The following ENPP2 variants were observed in gnomAD, a reference collection of about 807,000 sequenced individuals.
The protein encoded by ENPP2 is ectonucleotide pyrophosphatase/phosphodiesterase 2.
A neutral mutation model predicts 120.2 loss-of-function variants in ENPP2; 51 were observed. The observed-to-expected ratio is 0.42, with a 90% CI of 0.34 to 0.54. The LOEUF is 0.54. ENPP2 is among the 20% of genes least tolerant of loss of function. The pLI, the probability that ENPP2 is intolerant of heterozygous loss-of-function variation, is 0.04. For missense variants in ENPP2, 920 were observed against 1,066.5 expected, an observed-to-expected ratio of 0.86 and a Z score of 1.91; for synonymous variants, 365 against 366.4, an observed-to-expected ratio of 1.00 and a Z score of 0.04.
Position 119,638,748 on chromosome 8 carries a change from C to T in ENPP2, c.33G>A (p.Gln11=). The change falls in exon 1 of 25, where the codon CAG becomes CAA. Residue 11 remains glutamine (Q), a splice_region_variant and synonymous_variant. Transcript: ENST00000075322. MARRSSFQSC[Q]IISLFTFAVG... The stretch of plus-strand genomic sequence containing the variant: ...CCCCGTCATTCCTCCGTTCTCCCAC[C>T]TGACACGACTGGAACGAGCTCCTCC... The T allele has an allele frequency of 6.3e-7, 1 of 1,576,896 alleles. No individual in the cohort carries two copies. Among genetic ancestry groups the T allele is most frequent in the Non-Finnish European group, 8.7e-7 (1 of 1,146,002 alleles).
intron 2 of ENPP2, among the ~76,000 whole-genome samples, chr8:119,630,172 G>C (rs1017766214): frequency 2.0e-5 from 3 of 150,064 alleles, no homozygotes; most frequent in African/African-American, 7.4e-5. Context: ...GCAATGGTGT[G>C]ATCTCGGCTC....
chr8:119,624,944 T>C (rs1816168698), intron 3 of ENPP2, among the ~76,000 whole-genome samples: 1 of 152,202 alleles, frequency 6.6e-6, no homozygotes, highest in South Asian at 2.1e-4. Flanking sequence ...GGATATGTTA[T>C]CTTTGTACAC....
At chr8:119,559,977 A>C (rs1813794281) in intron 24 of ENPP2, among the ~76,000 whole-genome samples, 1 of 152,220 alleles carries the variant, frequency 6.6e-6, no homozygotes, top group African/African-American at 2.4e-5. Flanking sequence ...GTCAGGAACC[A>C]GTAGGGAGAG....
At chr8:119,625,130 G>T (rs749604041) in intron 3 of ENPP2, among the ~76,000 whole-genome samples, 12 of 152,146 alleles carry the variant, frequency 7.9e-5, no homozygotes, top group Non-Finnish European at 1.8e-4. Context: ...GATATTCAAG[G>T]TAAGGAGGAA....
In ENPP2 at chr8:119,616,373, T is replaced by C. The variant is rs1281784150; in HGVS notation, c.669A>G (p.Pro223=). Residue 223 remains proline, a synonymous_variant, in exon 8 of 25, where the codon CCA becomes CCG. Transcript: ENST00000075322. ...AATTGCCAACAATTCCATGTGATTC[T>C]GGATATAGCCCCTTTTTGTAAAAGC... ...NLYTLATGLY[P]ESHGIVGNSM... is the part of the protein sequence containing the mutation. The C allele has an allele frequency of 1.9e-6, 3 of 1,603,138 alleles. No individual in the cohort carries two copies. The highest frequency in any genetic ancestry group is 1.3e-5 in the African/African-American group (1 of 74,940).
intron 9 of ENPP2, among the ~76,000 whole-genome samples, chr8:119,605,100 C>T (rs1814608894): frequency 1.3e-5 from 2 of 152,122 alleles, no homozygotes; most frequent in Admixed American, 1.3e-4. Flanking sequence ...GAGACAGGGT[C>T]TCACTCTGTT....
At chr8:119,558,039 C>T (rs1813606782) in intron 24 of ENPP2, among the ~76,000 whole-genome samples, 1 of 152,132 alleles carries the variant, frequency 6.6e-6, no homozygotes, top group Non-Finnish European at 1.5e-5. Flanking sequence ...TCCAAGCTGT[C>T]AAATTGCAAT....
Position 119,586,349 on chromosome 8 carries a change from T to G in ENPP2, c.1240-36A>C, listed in dbSNP as rs1813110325. 5.6e-6 allele frequency: 9 copies of G among 1,606,082 alleles called. No homozygotes were observed. In the East Asian group the frequency reaches 2.0e-4, roughly 36 times the overall value. On this transcript the variant is annotated intron_variant, in intron 14 of 24. Transcript: ENST00000075322. ...AATGGAAATCAGACTTCAGATGGAA[T>G]GTCTTTTGGAAAAATTCTTACAAAT...
chr8:119,600,547 G>T, intron 11 of ENPP2, 131 bp downstream of exon 11: 1 of 592,404 alleles, frequency 1.7e-6, no homozygotes, highest in Non-Finnish European at 3.0e-6. Context: ...TAGTCTTGTA[G>T]TTATTTGACT....
chr8:119,661,603 G>A (rs554229490), intron 1 of ENPP2, among the ~76,000 whole-genome samples: 20 of 152,238 alleles, frequency 1.3e-4, no homozygotes, highest in Non-Finnish European at 1.8e-4. Flanking sequence ...TAAGGAAAAC[G>A]GTGTAGGGAC....
intron 2 of ENPP2, among the ~76,000 whole-genome samples, chr8:119,627,127 T>C (rs923841804): frequency 1.3e-5 from 2 of 152,036 alleles, no homozygotes; most frequent in Admixed American, 6.5e-5. Context: ...TTGATCTATA[T>C]CCTTAGAAAC....
chr8:119,629,620 C>T (rs1816519222), intron 2 of ENPP2, among the ~76,000 whole-genome samples: 1 of 152,174 alleles, frequency 6.6e-6, no homozygotes, highest in African/African-American at 2.4e-5. Flanking sequence ...TGCATGGTTG[C>T]TCCTAGGATT....
upstream of ENPP2, among the ~76,000 whole-genome samples, chr8:119,642,873 C>T (rs115348158): frequency 0.021 from 3,145 of 152,246 alleles, 111 homozygotes; most frequent in African/African-American, 0.071. Context: ...TTGAGGTTAA[C>T]AGTGAGATTT....
At chr8:119,608,076 C>T (rs188540352) in intron 8 of ENPP2, 99 bp from the exon 9 acceptor site, 3 of 640,218 alleles carry the variant, frequency 4.7e-6, no homozygotes, top group Admixed American at 3.4e-5. Flanking sequence ...TTATACTCTA[C>T]TCACACCCCA....
rs112793528 is a variant in ENPP2, at chr8:119,559,411, G to C, written c.2422-1720C>G. Among the ~76,000 whole-genome samples, 10 of 152,306 alleles carry C rather than the reference G, an allele frequency of 6.6e-5. 2 individuals carry two copies. The highest frequency in any genetic ancestry group is 2.4e-4 in the African/African-American group (10 of 41,554). On this transcript the variant is annotated intron_variant, in intron 24 of 24. Coordinates refer to ENST00000075322, the MANE Select transcript of ENPP2 (RefSeq NM_001040092.3). ...TTTTTCCTAATTTAAATGATGGCTA[G>C]CTGGGATTATAAGAATTCTGCAAAA...
chr8:119,650,793 C>A (rs977105778), intron 1 of ENPP2, among the ~76,000 whole-genome samples: 3 of 152,120 alleles, frequency 2.0e-5, no homozygotes, highest in African/African-American at 7.2e-5. Context: ...TGCCATATCT[C>A]TTTCATCAGG....
At chr8:119,638,861 T>G, upstream of ENPP2, 1 of 1,596,416 alleles carries the variant, frequency 6.3e-7, no homozygotes, top group Non-Finnish European at 8.6e-7. Context: ...CTGGGTTTAG[T>G]CTATTAACTA....
intron 2 of ENPP2, among the ~76,000 whole-genome samples, chr8:119,631,061 A>AT (rs1373656815): frequency 6.6e-6 from 1 of 151,296 alleles, no homozygotes; most frequent in Non-Finnish European, 1.5e-5. Flanking sequence ...TGCCCGGCTA[A>AT]TTTTTTGTAT....
chr8:119,585,311 A>G (rs1359865308), intron 15 of ENPP2, among the ~76,000 whole-genome samples: 1 of 152,208 alleles, frequency 6.6e-6, no homozygotes, highest in Non-Finnish European at 1.5e-5. Flanking sequence ...TACACCCTGG[A>G]AAATTACAGC....
Sources: gnomAD v4.1 joint callset for allele counts (sites outside exome capture counted in the v4.1 genomes callset) on GRCh38, gnomAD v4.1.1 for gene constraint, MANE v1.5 for transcripts, NCBI Gene and HGNC (gene_info 2026-07-23, HGNC 2026-07-21) for gene names.